OPCML: variants seen among roughly 807,000 people sequenced by gnomAD.
OPCML encodes opioid-binding protein/cell adhesion molecule.
Under a neutral mutation model 37.8 loss-of-function variants are expected in OPCML, and 13 were observed. The ratio of observed to expected loss-of-function variants is 0.34; its 90% CI spans 0.22 to 0.55. The LOEUF is 0.55. OPCML is among the 20% of genes least tolerant of loss of function. The probability of loss-of-function intolerance (pLI) is 0.91; values close to 1 mark genes in which losing one functional copy is unlikely to be tolerated. For missense variants in OPCML, 341 were observed against 435.6 expected (o/e 0.78, Z 1.93); for synonymous variants, 176 against 168.8 (o/e 1.04, Z -0.33).
intron 1 of OPCML, among the ~76,000 whole-genome samples, chr11:133,379,529 T>C (rs1285226291): frequency 6.6e-6 from 1 of 152,258 alleles, no homozygotes; most frequent in East Asian, 1.9e-4. Flanking sequence ...GTGTGTTTCT[T>C]GAAGTCTAGA....
intron 1 of OPCML, among the ~76,000 whole-genome samples, chr11:133,338,829 A>G (rs1453234046): frequency 6.6e-6 from 1 of 152,230 alleles, no homozygotes; most frequent in East Asian, 1.9e-4. Context: ...AGTGTGAGGA[A>G]TCCTGTGTAT....
chr11:132,687,848 G>A (rs896250406), intron 2 of OPCML, among the ~76,000 whole-genome samples: 2 of 152,108 alleles, frequency 1.3e-5, no homozygotes, highest in Non-Finnish European at 2.9e-5. Context: ...TCACTGAAAA[G>A]TAGAGGGGTA....
chr11:132,537,538 A>G (rs2096344111), intron 3 of OPCML, among the ~76,000 whole-genome samples: 1 of 152,228 alleles, frequency 6.6e-6, no homozygotes, highest in Non-Finnish European at 1.5e-5. Context: ...CCTTAGCTAT[A>G]CCACAAGAAG....
chr11:132,857,695 TTG>T (rs1184985262), intron 2 of OPCML, among the ~76,000 whole-genome samples: 1 of 152,240 alleles, frequency 6.6e-6, no homozygotes, highest in Non-Finnish European at 1.5e-5. Context: ...CATTAATGTT[TTG>T]TAAAACAATA....
intron 1 of OPCML, among the ~76,000 whole-genome samples, chr11:133,388,600 C>T (rs908928179): frequency 1.3e-5 from 2 of 152,152 alleles, no homozygotes; most frequent in South Asian, 2.1e-4. Flanking sequence ...GAATGTTGAA[C>T]GTACTGCAAC....
chr11:133,414,250 T>C (rs1296374562), intron 1 of OPCML, among the ~76,000 whole-genome samples: 4 of 152,084 alleles, frequency 2.6e-5, no homozygotes, highest in African/African-American at 9.7e-5. Flanking sequence ...CTTCTTACCC[T>C]AAAACATGTA....
intron 4 of OPCML, among the ~76,000 whole-genome samples, chr11:132,448,772 C>T (rs1336212305): frequency 2.0e-5 from 3 of 152,192 alleles, no homozygotes; most frequent in Non-Finnish European, 4.4e-5. Flanking sequence ...GAGGAAACCA[C>T]TGAATTTGAG....
intron 2 of OPCML, among the ~76,000 whole-genome samples, chr11:132,823,311 G>A (rs1940102454): frequency 6.6e-6 from 1 of 152,086 alleles, no homozygotes; most frequent in Non-Finnish European, 1.5e-5. Context: ...CTTCGCATGG[G>A]GGACAACCTC....
intron 1 of OPCML, chr11:133,004,530 C>T: frequency 1.0e-6 from 1 of 985,338 alleles, no homozygotes. Flanking sequence ...CGGCCTTGGC[C>T]ATGCACCTCT....
intron 1 of OPCML, among the ~76,000 whole-genome samples, chr11:133,408,378 C>T (rs980632734): frequency 2.0e-5 from 3 of 152,222 alleles, no homozygotes; most frequent in Non-Finnish European, 2.9e-5. Context: ...CCTACTACCA[C>T]CAAGTTCTAA....
At chr11:133,353,598 C>T (rs957508334) in intron 1 of OPCML, among the ~76,000 whole-genome samples, 2 of 152,168 alleles carry the variant, frequency 1.3e-5, no homozygotes, top group Admixed American at 1.3e-4. Flanking sequence ...CTGTTCAAAG[C>T]CTCTGGTCCC....
At chr11:133,454,679 CA>C (rs1341761355) in intron 1 of OPCML, among the ~76,000 whole-genome samples, 1 of 152,048 alleles carries the variant, frequency 6.6e-6, no homozygotes, top group African/African-American at 2.4e-5. Context: ...GGGAAATAAG[CA>C]AATTATTAGT....
At chr11:133,102,473 G>C (rs1033619041) in intron 1 of OPCML, among the ~76,000 whole-genome samples, 3 of 152,180 alleles carry the variant, frequency 2.0e-5, no homozygotes, top group Non-Finnish European at 4.4e-5. Flanking sequence ...AATTGGCCAG[G>C]GGCGGTGGCT....
intron 3 of OPCML, among the ~76,000 whole-genome samples, chr11:132,601,323 G>A (rs946133723): frequency 3.3e-5 from 5 of 152,094 alleles, no homozygotes; most frequent in Middle Eastern, 3.4e-3. Context: ...CCATTTTGAA[G>A]CTCCACCTGG....
intron 2 of OPCML, among the ~76,000 whole-genome samples, chr11:132,864,781 TA>T (rs1223938503): frequency 1.3e-5 from 2 of 152,236 alleles, no homozygotes; most frequent in South Asian, 2.1e-4. Context: ...AACATCTATC[TA>T]TTTTTTTCTA....
intron 1 of OPCML, among the ~76,000 whole-genome samples, chr11:133,247,337 C>T (rs1429501452): frequency 2.6e-5 from 4 of 152,262 alleles, no homozygotes; most frequent in Admixed American, 2.6e-4. Flanking sequence ...TTCAAGTTAA[C>T]ATTAATTATA....
At chr11:132,950,099 G>T (rs1945826890) in intron 1 of OPCML, among the ~76,000 whole-genome samples, 1 of 152,216 alleles carries the variant, frequency 6.6e-6, no homozygotes, top group African/African-American at 2.4e-5. Flanking sequence ...GGCCTTGAAG[G>T]TCACAGTAAC....
chr11:132,420,345 T>C (rs370333410), intron 7 of OPCML, 52 bp from the exon 8 acceptor site: 97 of 1,600,206 alleles, frequency 6.1e-5, no homozygotes, highest in Middle Eastern at 1.9e-4. Context: ...AAGGACACCA[T>C]AGTTCTTCCC....
chr11:132,476,853 A>T (rs4937703), intron 4 of OPCML, among the ~76,000 whole-genome samples: 11,139 of 151,256 alleles, frequency 0.074, 441 homozygotes, highest in Middle Eastern at 0.12. Flanking sequence ...TAAAAAAATT[A>T]AAAAAAATTA....
Sources: gnomAD v4.1 joint callset for allele counts (sites outside exome capture counted in the v4.1 genomes callset) on GRCh38, gnomAD v4.1.1 for gene constraint, MANE v1.5 for transcripts, NCBI Gene and HGNC (gene_info 2026-07-23, HGNC 2026-07-21) for gene names.